B3GALT1: variants seen among roughly 807,000 people sequenced by gnomAD.
B3GALT1 encodes the protein beta-1,3-galactosyltransferase 1, also known as UDP-Gal:betaGlcNAc beta 1,3-galactosyltransferase, polypeptide 1.
In B3GALT1, 10 loss-of-function variants were observed where a neutral mutation model predicts 23.2. That is an observed-to-expected ratio of 0.43 (90% CI 0.27 to 0.73). The LOEUF is 0.73. Among genes scored for constraint, B3GALT1 ranks in the 30% least tolerant of loss-of-function variants. The pLI, the probability that B3GALT1 is intolerant of heterozygous loss-of-function variation, is 0.21. For synonymous variants in B3GALT1, 156 were observed against 141.5 expected (o/e 1.10, Z -0.73); for missense variants, 299 against 405.4 (o/e 0.74, Z 2.25).
chr2:167,823,371 A>ATTCT (rs1177545539), intron 4 of B3GALT1, among the ~76,000 whole-genome samples: 1 of 152,162 alleles, frequency 6.6e-6, no homozygotes, highest in Non-Finnish European at 1.5e-5. Context: ...AAAAAAAATC[A>ATTCT]TTCTTAACTG....
At chr2:167,374,091 C>A (rs958197139) in intron 1 of B3GALT1, among the ~76,000 whole-genome samples, 2 of 152,134 alleles carry the variant, frequency 1.3e-5, no homozygotes, top group East Asian at 3.8e-4. Flanking sequence ...TTTAGCTCTC[C>A]TTTTCAAGTG....
chr2:167,435,162 T>A (rs1042658047), intron 1 of B3GALT1, among the ~76,000 whole-genome samples: 2 of 151,982 alleles, frequency 1.3e-5, no homozygotes, highest in African/African-American at 4.8e-5. Context: ...GAAGACATTT[T>A]AAGAAAGATA....
intron 1 of B3GALT1, among the ~76,000 whole-genome samples, chr2:167,354,085 C>T (rs1697362349): frequency 6.6e-6 from 1 of 152,168 alleles, no homozygotes; most frequent in South Asian, 2.1e-4. Flanking sequence ...CATAAGGAAG[C>T]TTCTACCACT....
intron 1 of B3GALT1, among the ~76,000 whole-genome samples, chr2:167,366,570 A>T (rs944489230): frequency 2.0e-5 from 3 of 152,178 alleles, no homozygotes; most frequent in Admixed American, 1.3e-4. Flanking sequence ...TCATTAAAAA[A>T]AGATCAAATA....
chr2:167,629,104 G>T (rs74363824), intron 2 of B3GALT1, among the ~76,000 whole-genome samples: 2,313 of 151,712 alleles, frequency 0.015, 69 homozygotes, highest in African/African-American at 0.053. Flanking sequence ...TGGAGCAGAG[G>T]TATGTAATGA....
intron 2 of B3GALT1, among the ~76,000 whole-genome samples, chr2:167,500,439 G>A (rs1327276513): frequency 6.6e-6 from 1 of 152,074 alleles, no homozygotes; most frequent in African/African-American, 2.4e-5. Context: ...AAAATTGTGT[G>A]GGGGTGTCAT....
chr2:167,835,991 C>G (rs1689458967), intron 4 of B3GALT1, among the ~76,000 whole-genome samples: 1 of 152,078 alleles, frequency 6.6e-6, no homozygotes, highest in African/African-American at 2.4e-5. Context: ...AGAAGGAAAA[C>G]TAACAAACAG....
At chr2:167,463,439 A>C (rs1156883701) in intron 1 of B3GALT1, among the ~76,000 whole-genome samples, 1 of 152,078 alleles carries the variant, frequency 6.6e-6, no homozygotes, top group East Asian at 1.9e-4. Flanking sequence ...GCACTATTCT[A>C]AGTATTTTAC....
intron 4 of B3GALT1, among the ~76,000 whole-genome samples, chr2:167,825,016 G>T (rs1377055010): frequency 1.3e-5 from 2 of 151,920 alleles, no homozygotes; most frequent in Admixed American, 1.3e-4. Flanking sequence ...TAGAAAACAA[G>T]CAAAACTGCC....
At chr2:167,345,325 C>A (rs1410041066) in intron 1 of B3GALT1, among the ~76,000 whole-genome samples, 1 of 151,970 alleles carries the variant, frequency 6.6e-6, no homozygotes, top group African/African-American at 2.4e-5. Flanking sequence ...GACATCTGAG[C>A]CCAGACTATC....
chr2:167,579,197 G>A (rs1007892426), intron 2 of B3GALT1, among the ~76,000 whole-genome samples: 2 of 151,928 alleles, frequency 1.3e-5, no homozygotes, highest in Admixed American at 1.3e-4. Flanking sequence ...CATGTGCTAT[G>A]CTGAATTTGT....
intron 1 of B3GALT1, among the ~76,000 whole-genome samples, chr2:167,463,134 C>T (rs1699290276): frequency 6.6e-6 from 1 of 151,672 alleles, no homozygotes; most frequent in Admixed American, 6.6e-5. Flanking sequence ...TTTATTTTGT[C>T]TGTTTCTGAT....
chr2:167,410,901 C>T (rs1698380405), intron 1 of B3GALT1, among the ~76,000 whole-genome samples: 1 of 151,860 alleles, frequency 6.6e-6, no homozygotes, highest in South Asian at 2.1e-4. Context: ...CACTTATGAC[C>T]TCTTAGGTCA....
intron 4 of B3GALT1, among the ~76,000 whole-genome samples, chr2:167,824,771 G>A (rs1334830318): frequency 2.0e-5 from 3 of 152,178 alleles, no homozygotes; most frequent in Non-Finnish European, 1.5e-5. Flanking sequence ...AGGTCTTTCC[G>A]ATACAGAGAG....
intron 1 of B3GALT1, among the ~76,000 whole-genome samples, chr2:167,300,672 C>T (rs1696430423): frequency 6.6e-6 from 1 of 151,956 alleles, no homozygotes; most frequent in Non-Finnish European, 1.5e-5. Context: ...TGGGGAAGTA[C>T]AAAATGATTA....
intron 3 of B3GALT1, among the ~76,000 whole-genome samples, chr2:167,742,652 AAAT>A (rs1472314470): frequency 2.0e-5 from 3 of 152,162 alleles, no homozygotes; most frequent in Non-Finnish European, 4.4e-5. Flanking sequence ...CTTATTTGTT[AAAT>A]AATAAGAACC....
At chr2:167,335,445 A>T (rs756616354) in intron 1 of B3GALT1, among the ~76,000 whole-genome samples, 1 of 152,194 alleles carries the variant, frequency 6.6e-6, no homozygotes, top group Non-Finnish European at 1.5e-5. Flanking sequence ...AAGAATAAAT[A>T]ATGGCTACTC....
chr2:167,432,003 G>T (rs562922243), intron 1 of B3GALT1, among the ~76,000 whole-genome samples: 73 of 152,256 alleles, frequency 4.8e-4, no homozygotes, highest in African/African-American at 1.7e-3. Flanking sequence ...CTTAAATCAT[G>T]GGCCTAGAAG....
intron 1 of B3GALT1, among the ~76,000 whole-genome samples, chr2:167,344,439 A>G (rs986531948): frequency 4.6e-5 from 7 of 152,124 alleles, no homozygotes; most frequent in African/African-American, 1.4e-4. Context: ...TTCTTATGGT[A>G]ATCAAACACT....
Sources: allele counts gnomAD v4.1 joint callset (sites outside exome capture counted in the v4.1 genomes callset), GRCh38; gene constraint gnomAD v4.1.1; transcripts MANE v1.5; gene names NCBI Gene and HGNC (gene_info 2026-07-23, HGNC 2026-07-21).